The following ARHGAP29 variants were observed in gnomAD, a reference collection of about 807,000 sequenced individuals.
The protein encoded by ARHGAP29 is rho GTPase-activating protein 29.
Under a neutral mutation model 122.6 loss-of-function variants are expected in ARHGAP29, and 43 were observed. The observed-to-expected ratio is 0.35, with a 90% CI of 0.27 to 0.45. ARHGAP29 has a LOEUF of 0.45. Among genes scored for constraint, ARHGAP29 ranks in the 20% least tolerant of loss-of-function variants. The pLI is 1.00. For missense variants in ARHGAP29, 1,303 were observed against 1,477.2 expected, an observed-to-expected ratio of 0.88 and a Z score of 1.93; for synonymous variants, 506 against 497.1, an observed-to-expected ratio of 1.02 and a Z score of -0.24.
chr1:94,179,686 T>C (rs1287968613), intron 20 of ARHGAP29, 39 bp downstream of exon 20: 1 of 1,301,566 alleles, frequency 7.7e-7, no homozygotes, highest in Non-Finnish European at 1.1e-6. Flanking sequence ...ACAAATCAAT[T>C]GCCCATTAAT....
At chr1:94,267,463 A>G (rs1654815824) in intron 1 of ARHGAP29, among the ~76,000 whole-genome samples, 3 of 152,230 alleles carry the variant, frequency 2.0e-5, no homozygotes, top group Non-Finnish European at 4.4e-5. Flanking sequence ...TTTCTCATTC[A>G]TAAAATGAGT....
intron 12 of ARHGAP29, among the ~76,000 whole-genome samples, chr1:94,197,717 G>A (rs1384202891): frequency 3.3e-5 from 5 of 152,118 alleles, no homozygotes; most frequent in African/African-American, 4.8e-5. Context: ...ATGTATTAAC[G>A]TAATGCACCA....
chr1:94,201,606 C>T, intron 12 of ARHGAP29, 114 bp downstream of exon 12: 1 of 1,283,352 alleles, frequency 7.8e-7, no homozygotes, highest in Non-Finnish European at 1.1e-6. Context: ...CTTTTGGGCT[C>T]AAGTGATCCT....
At chr1:94,303,807 A>G in the ARHGAP29 span, among the ~76,000 whole-genome samples, 5 of 152,228 alleles carry the variant, frequency 3.3e-5, no homozygotes, top group Non-Finnish European at 5.9e-5. Flanking sequence ...TGGTGAGACC[A>G]GACTCAAACC....
intron 1 of ARHGAP29, among the ~76,000 whole-genome samples, chr1:94,244,848 T>A (rs900963279): frequency 1.2e-4 from 19 of 152,114 alleles, no homozygotes; most frequent in African/African-American, 4.3e-4. Flanking sequence ...GGAGAAAATA[T>A]CTGACAAAGA....
the ARHGAP29 span, among the ~76,000 whole-genome samples, chr1:94,290,813 T>C: frequency 6.6e-6 from 1 of 152,212 alleles, no homozygotes; most frequent in East Asian, 1.9e-4. Context: ...TCTGTTCTTT[T>C]ACATTTGCTG....
intron 1 of ARHGAP29, among the ~76,000 whole-genome samples, chr1:94,252,446 G>A (rs922808535): frequency 6.6e-6 from 1 of 152,160 alleles, no homozygotes; most frequent in African/African-American, 2.4e-5. Flanking sequence ...TTACAGTGTC[G>A]GCTGGGGTGT....
intron 1 of ARHGAP29, among the ~76,000 whole-genome samples, chr1:94,259,081 G>A (rs1457388900): frequency 1.3e-5 from 2 of 152,182 alleles, no homozygotes; most frequent in African/African-American, 4.8e-5. Context: ...CACAGGCCAA[G>A]TGGTTCAGCC....
chr1:94,178,122 C>T lies in ARHGAP29; in HGVS notation c.2526G>A (p.Leu842=). Residue 842 remains leucine (L), a synonymous_variant, in exon 21 of 23, where the codon TTG becomes TTA. Coordinates refer to ENST00000260526, the MANE Select transcript of ARHGAP29 (RefSeq NM_004815.4). The part of the protein sequence containing the change: ...AEENKMNSKN[L]GVIFGPSLIR... ...TGAGACTTGGTCCAAATATCACCCC[C>T]AAGTTTTTGGAGTTCATCTTGTTTT... 1 of 1,614,018 alleles carries T rather than the reference C, an allele frequency of 6.2e-7. No individual in the cohort carries two copies. Among genetic ancestry groups the T allele is most frequent in the Non-Finnish European group, 8.5e-7 (1 of 1,179,948 alleles).
chr1:94,270,913 A>T (rs939951420), intron 1 of ARHGAP29, among the ~76,000 whole-genome samples: 2 of 152,240 alleles, frequency 1.3e-5, no homozygotes, highest in African/African-American at 4.8e-5. Flanking sequence ...TTGCTGCATT[A>T]CAAATTACTT....
intron 1 of ARHGAP29, among the ~76,000 whole-genome samples, chr1:94,260,911 G>T (rs1466100687): frequency 6.6e-6 from 1 of 152,124 alleles, no homozygotes; most frequent in Non-Finnish European, 1.5e-5. Flanking sequence ...TTATGTTCTG[G>T]TCTCTGTGAG....
chr1:94,193,588 G>C (rs1650260250), intron 12 of ARHGAP29: 1 of 152,310 alleles, frequency 6.6e-6, no homozygotes, highest in African/African-American at 2.4e-5. Flanking sequence ...TAATTCATAT[G>C]ATTACTGGTA....
At chr1:94,237,295 C>T in intron 1 of ARHGAP29, 120 bp downstream of exon 1, 2 of 688,228 alleles carry the variant, frequency 2.9e-6, no homozygotes, top group Non-Finnish European at 3.6e-6. Flanking sequence ...CGCTTCCACT[C>T]GGGGCCGCCC....
At position 94,177,875 on chromosome 1, in the gene ARHGAP29, A is replaced by G. The variant is rs760851987; in HGVS notation, c.2773T>C (p.Ser925Pro). ...EERDIERSMK[S>P]LFFSSKEDIH... Reference sequence around the variant, plus strand: ...ACTTCCTTTGAAGAAAAAAATAGTGACTTCATGGAACGTTCAATGTCTCTT... The same window carrying G: ...ACTTCCTTTGAAGAAAAAAATAGTGGCTTCATGGAACGTTCAATGTCTCTT... The change falls in exon 21 of 23, where the codon TCA (serine) becomes CCA (proline). Residue 925 changes from serine (S) to proline (P), a missense_variant. This residue lies in a region of ARHGAP29 where 620 missense variants were observed against 651.2 expected (regional missense o/e 0.95). Transcript: ENST00000260526. The G allele has an allele frequency of 3.1e-6, 5 of 1,608,866 alleles. No individual in the cohort carries two copies. Among genetic ancestry groups the G allele is most frequent in the African/African-American group, 1.3e-5 (1 of 74,692 alleles).
At chr1:94,298,147 C>T in the ARHGAP29 span, among the ~76,000 whole-genome samples, 4 of 152,182 alleles carry the variant, frequency 2.6e-5, no homozygotes, top group South Asian at 8.3e-4. Context: ...AGTGTACCAT[C>T]CTGAATACAC....
At chr1:94,182,677 C>G (rs931544351) in intron 19 of ARHGAP29, among the ~76,000 whole-genome samples, 1 of 152,024 alleles carries the variant, frequency 6.6e-6, no homozygotes, top group Non-Finnish European at 1.5e-5. Context: ...ATATTAGAAC[C>G]GTCCACACTA....
chr1:94,301,794 A>G, the ARHGAP29 span, among the ~76,000 whole-genome samples: 1 of 152,190 alleles, frequency 6.6e-6, no homozygotes, highest in Non-Finnish European at 1.5e-5. Context: ...TACAAGGGAA[A>G]TGAGGCTGCA....
chr1:94,231,716 G>T (rs1652930085), intron 1 of ARHGAP29, 73 bp from the exon 2 acceptor site: 2 of 1,116,482 alleles, frequency 1.8e-6, no homozygotes, highest in East Asian at 4.8e-5. Flanking sequence ...ATCAGCCAGG[G>T]AAATATTACA....
upstream of ARHGAP29, among the ~76,000 whole-genome samples, chr1:94,276,780 C>CAAAA (rs34090768): frequency 2.5e-5 from 1 of 40,612 alleles, no homozygotes; most frequent in African/African-American, 1.0e-4. Context: ...GACCCTGTCT[C>CAAAA]AAAAAAAAAA....
Sources: allele counts gnomAD v4.1 joint callset (sites outside exome capture counted in the v4.1 genomes callset), GRCh38; gene constraint gnomAD v4.1.1; regional missense constraint gnomAD v4.1.1; transcripts MANE v1.5; gene names NCBI Gene and HGNC (gene_info 2026-07-23, HGNC 2026-07-21).